The following APOLD1 variants were observed in gnomAD, a reference collection of about 807,000 sequenced individuals.
The protein encoded by APOLD1 is apolipoprotein L domain-containing protein 1.
APOLD1 carries 22 observed loss-of-function variants against 15.3 expected under a neutral mutation model. That is an observed-to-expected ratio of 1.44 (90% CI 1.03 to 2.05). APOLD1 has a LOEUF of 2.05. Among genes scored for constraint, APOLD1 ranks in the 30% most tolerant of loss-of-function variants. APOLD1 has a pLI of 0.00. For missense variants in APOLD1, 394 were observed against 353.5 expected (o/e 1.11, Z -0.92); for synonymous variants, 190 against 167.4 (o/e 1.13, Z -1.04).
chr12:12,760,885 G>A (rs1008190573), intron 1 of APOLD1, among the ~76,000 whole-genome samples: 1 of 152,144 alleles, frequency 6.6e-6, no homozygotes, highest in African/African-American at 2.4e-5. Context: ...TACATAGTAG[G>A]ATATACCAAA....
intron 1 of APOLD1, among the ~76,000 whole-genome samples, chr12:12,772,863 T>C (rs989465418): frequency 6.6e-6 from 1 of 152,194 alleles, no homozygotes; most frequent in Admixed American, 6.5e-5. Flanking sequence ...TACTTGGAGA[T>C]TGAACAATAC....
chr12:12,756,787 C>A (rs983958703), intron 1 of APOLD1, among the ~76,000 whole-genome samples: 1 of 151,976 alleles, frequency 6.6e-6, no homozygotes, highest in African/African-American at 2.4e-5. Flanking sequence ...TCTATAGCTG[C>A]TTTTTTTCTT....
intron 1 of APOLD1, among the ~76,000 whole-genome samples, chr12:12,731,564 A>C (rs1946642434): frequency 1.3e-5 from 2 of 152,348 alleles, no homozygotes; most frequent in South Asian, 4.1e-4. Flanking sequence ...ATAAATAAAG[A>C]GTTTCTACAA....
intron 1 of APOLD1, among the ~76,000 whole-genome samples, chr12:12,768,014 T>TGACCTCGGGATCTGCC (rs1415292759): frequency 2.6e-4 from 39 of 152,104 alleles, no homozygotes; most frequent in Non-Finnish European, 5.0e-4. Context: ...CTTGAACTCC[T>TGACCTCGGGATCTGCC]GACCTCGGGA....
chr12:12,729,139 T>C (rs1027686362), intron 1 of APOLD1, among the ~76,000 whole-genome samples: 13 of 152,064 alleles, frequency 8.5e-5, no homozygotes, highest in African/African-American at 2.4e-4. Flanking sequence ...CTCCTTTTTT[T>C]CCCCCAGAAT....
chr12:12,775,325 G>A (rs1398069454), intron 1 of APOLD1, among the ~76,000 whole-genome samples: 1 of 152,178 alleles, frequency 6.6e-6, no homozygotes, highest in Non-Finnish European at 1.5e-5. Context: ...AGGTGCAGAG[G>A]ATTTCCAGGG....
chr12:12,736,353 A>T (rs1210223954), intron 1 of APOLD1, among the ~76,000 whole-genome samples: 2 of 101,940 alleles, frequency 2.0e-5, no homozygotes, highest in East Asian at 6.1e-4. Context: ...GTCTGTCTCA[A>T]AAAAAACAAA....
rs140913657 is a variant in APOLD1 at position 12,780,321 on chromosome 12, T to A, written c.97-6588T>A. The stretch of plus-strand genomic sequence containing the variant: ...GTGCAGTGGTGTGATCTCGGCTCAC[T>A]GCAGCCTCACCTCCCAGGCTCAAAC... On this transcript the variant is annotated intron_variant, in intron 1 of 1. Transcript: ENST00000326765. Among the ~76,000 whole-genome samples, 875 of 151,018 alleles carry A rather than the reference T, an allele frequency of 5.8e-3. 11 individuals carry two copies. Among genetic ancestry groups the A allele is most frequent in the African/African-American group, 0.02 (829 of 41,108 alleles).
At chr12:12,778,085 T>G (rs747976276) in intron 1 of APOLD1, among the ~76,000 whole-genome samples, 37 of 151,750 alleles carry the variant, frequency 2.4e-4, no homozygotes, top group Admixed American at 3.3e-4. Flanking sequence ...CAACCACACC[T>G]GGCTATTTTT....
intron 1 of APOLD1, among the ~76,000 whole-genome samples, chr12:12,742,937 G>A (rs568027928): frequency 6.6e-6 from 1 of 152,186 alleles, no homozygotes; most frequent in South Asian, 2.1e-4. Context: ...CTAATTTTTT[G>A]TAGAGATAAG....
chr12:12,759,033 G>A (rs947979431), intron 1 of APOLD1, among the ~76,000 whole-genome samples: 1 of 152,144 alleles, frequency 6.6e-6, no homozygotes, highest in African/African-American at 2.4e-5. Context: ...GGCAGGGAGC[G>A]CCTACAGTGT....
At chr12:12,736,887 G>A (rs539376898) in intron 1 of APOLD1, among the ~76,000 whole-genome samples, 2 of 152,288 alleles carry the variant, frequency 1.3e-5, no homozygotes, top group Non-Finnish European at 2.9e-5. Flanking sequence ...CCAGAGATCC[G>A]AAGAAGTGGA....
At chr12:12,770,182 G>A (rs982893939) in intron 1 of APOLD1, among the ~76,000 whole-genome samples, 1 of 152,084 alleles carries the variant, frequency 6.6e-6, no homozygotes, top group Non-Finnish European at 1.5e-5. Context: ...GGCCGAGGCG[G>A]GCAGATCACG....
At chr12:12,727,517 CTT>C (rs1946602017) in intron 1 of APOLD1, among the ~76,000 whole-genome samples, 1 of 152,162 alleles carries the variant, frequency 6.6e-6, no homozygotes, top group Admixed American at 6.5e-5. Flanking sequence ...TAGGTGGTAA[CTT>C]CTAGCTGCCA....
chr12:12,768,318 A>G (rs1044066314), intron 1 of APOLD1, among the ~76,000 whole-genome samples: 2 of 152,068 alleles, frequency 1.3e-5, no homozygotes, highest in Non-Finnish European at 2.9e-5. Context: ...TCCCTTTCCA[A>G]TATAATAAAT....
rs143108194 is a variant in APOLD1 at position 12,759,974 on chromosome 12, A to T, written c.97-26935A>T. Among the ~76,000 whole-genome samples, 1,234 of 152,340 alleles carry T rather than the reference A, an allele frequency of 8.1e-3. 6 individuals carry two copies. Among genetic ancestry groups the T allele is most frequent in the Non-Finnish European group, 0.012 (846 of 68,030 alleles). ...ATTGATAGATTGATAATTTGATTAC[A>T]TGATGTCGGAACTATACAACACCAT... On this transcript the variant is annotated intron_variant, in intron 1 of 1. Coordinates refer to the APOLD1 transcript ENST00000326765.
chr12:12,732,130 T>A (rs1946645298), intron 1 of APOLD1, among the ~76,000 whole-genome samples: 1 of 152,208 alleles, frequency 6.6e-6, no homozygotes, highest in Non-Finnish European at 1.5e-5. Flanking sequence ...TCGTTCAAGC[T>A]CTCTATTCTC....
At chr12:12,772,837 T>C (rs1946999564) in intron 1 of APOLD1, among the ~76,000 whole-genome samples, 1 of 152,208 alleles carries the variant, frequency 6.6e-6, no homozygotes, top group African/African-American at 2.4e-5. Flanking sequence ...AGAAAGGTAG[T>C]TGGAAAATCC....
rs181516321 is a variant in APOLD1, at chr12:12,760,436, G to A, written c.97-26473G>A. On this transcript the variant is annotated intron_variant, in intron 1 of 1. Coordinates refer to the APOLD1 transcript ENST00000326765. ...GCAGATCACCTGAGGGCAGGAGTTC[G>A]AGACCAGCCTGCCCAACATGTCAAA... 2.1e-3 allele frequency among the ~76,000 whole-genome samples: 321 copies of A among 152,170 alleles called. 1 individual carries two copies. The highest frequency in any genetic ancestry group is 7.3e-3 in the African/African-American group (305 of 41,540).
Sources: gnomAD v4.1 joint callset for allele counts (sites outside exome capture counted in the v4.1 genomes callset) on GRCh38, gnomAD v4.1.1 for gene constraint, MANE v1.5 for transcripts, NCBI Gene and HGNC (gene_info 2026-07-23, HGNC 2026-07-21) for gene names.